The following SDK1 variants were observed in gnomAD, a reference collection of about 807,000 sequenced individuals.
The protein encoded by SDK1 is protein sidekick-1.
SDK1 carries 157 observed loss-of-function variants against 245.5 expected under a neutral mutation model. That is an observed-to-expected ratio of 0.64 (90% CI 0.56 to 0.73). SDK1 has a LOEUF of 0.73. Ranked by LOEUF, SDK1 falls within the 30% of genes least tolerant of loss-of-function variation. SDK1 has a pLI of 0.00. For missense variants in SDK1, 3,583 were observed against 3,002.3 expected (o/e 1.19, Z -4.52); for synonymous variants, 1,647 against 1,278.5 (o/e 1.29, Z -6.15).
chr7:3,851,548 A>G (rs1160793472), intron 5 of SDK1, among the ~76,000 whole-genome samples: 1 of 151,496 alleles, frequency 6.6e-6, no homozygotes, highest in African/African-American at 2.5e-5. Context: ...GGGAATAATA[A>G]TTGAGATCAG....
At chr7:4,192,094 G>T (rs1189382288) in intron 35 of SDK1, among the ~76,000 whole-genome samples, 1 of 152,198 alleles carries the variant, frequency 6.6e-6, no homozygotes, top group African/African-American at 2.4e-5. Flanking sequence ...AGCATACACA[G>T]AAGGAGACAG....
At chr7:4,138,549 C>G (rs1396324331) in intron 28 of SDK1, among the ~76,000 whole-genome samples, 3 of 152,000 alleles carry the variant, frequency 2.0e-5, no homozygotes, top group Non-Finnish European at 2.9e-5. Context: ...GAGTTCGAGA[C>G]CAGCCTGGCC....
At chr7:3,579,844 A>G (rs1221557749) in intron 1 of SDK1, among the ~76,000 whole-genome samples, 5 of 152,246 alleles carry the variant, frequency 3.3e-5, no homozygotes, top group Admixed American at 6.5e-5. Context: ...ATGATTCTAC[A>G]TAAAAAAACT....
chr7:3,701,667 G>GA (rs1478576269), intron 4 of SDK1, among the ~76,000 whole-genome samples: 2 of 152,120 alleles, frequency 1.3e-5, no homozygotes, highest in Non-Finnish European at 2.9e-5. Context: ...TGGAATAGGT[G>GA]AACAGTTTTG....
chr7:4,216,376 G>A (rs1345045506), intron 38 of SDK1, among the ~76,000 whole-genome samples: 5 of 152,164 alleles, frequency 3.3e-5, no homozygotes, highest in Admixed American at 6.5e-5. Context: ...ACTCTCACCC[G>A]GAGGGGCTGC....
chr7:3,851,345 C>A (rs927795429), intron 5 of SDK1, among the ~76,000 whole-genome samples: 1 of 151,968 alleles, frequency 6.6e-6, no homozygotes, highest in Admixed American at 6.6e-5. Context: ...TTCTTAGAAA[C>A]TAATATTTAA....
intron 1 of SDK1, among the ~76,000 whole-genome samples, chr7:3,304,231 T>C (rs986721436): frequency 6.6e-6 from 1 of 152,236 alleles, no homozygotes; most frequent in African/African-American, 2.4e-5. Flanking sequence ...TATGCTCTGC[T>C]TATTGCTGTG....
At chr7:4,194,506 T>C (rs1259560927) in intron 35 of SDK1, among the ~76,000 whole-genome samples, 1 of 151,902 alleles carries the variant, frequency 6.6e-6, no homozygotes, top group Non-Finnish European at 1.5e-5. Flanking sequence ...GTTTATTAAG[T>C]ATTAACTTAC....
chr7:3,326,533 A>G (rs11979128), intron 1 of SDK1, among the ~76,000 whole-genome samples: 59,434 of 151,928 alleles, frequency 0.39, 11,817 homozygotes, highest in African/African-American at 0.47. Flanking sequence ...TTGAAGTAGG[A>G]TTGCTGGCTC....
chr7:4,036,776 C>G (rs1788250922), intron 17 of SDK1, among the ~76,000 whole-genome samples: 1 of 152,152 alleles, frequency 6.6e-6, no homozygotes, highest in African/African-American at 2.4e-5. Context: ...GGCACCATCT[C>G]TAAGAAAACA....
chr7:3,338,493 CA>C (rs1780261301), intron 1 of SDK1: 1 of 483,190 alleles, frequency 2.1e-6, no homozygotes, highest in African/African-American at 2.0e-5. Context: ...AGAAATGTAC[CA>C]GGGTTCAGCT....
Position 4,114,154 on chromosome 7 carries a change from A to G in SDK1, c.3703A>G (p.Arg1235Gly). The stretch of plus-strand genomic sequence containing the variant: ...CCAAGTCGTCAGTGACCGGCTGGAG[A>G]GAGAATTCACCATCGAGGAGCTGGA... Reference protein sequence around the residue: ...VAQVVSDRLEREFTIEELEEW... With the variant: ...VAQVVSDRLEGEFTIEELEEW... The change falls in exon 25 of 45, where the codon AGA (arginine) becomes GGA (glycine). Residue 1235 changes from arginine to glycine, a missense_variant. Physicochemically the swap from Arg to Gly is moderately radical, Grantham distance 125. Coordinates refer to ENST00000404826, the MANE Select transcript of SDK1 (RefSeq NM_152744.4). 1 of 1,614,184 alleles carries G rather than the reference A, an allele frequency of 6.2e-7. No homozygotes were observed. The highest frequency in any genetic ancestry group is 8.5e-7 in the Non-Finnish European group (1 of 1,180,024).
At chr7:3,750,513 C>T (rs940871760) in intron 4 of SDK1, among the ~76,000 whole-genome samples, 51 of 152,008 alleles carry the variant, frequency 3.4e-4, no homozygotes, top group African/African-American at 1.2e-3. Flanking sequence ...TTGCAGTGGG[C>T]GAGAGAGATT....
intron 22 of SDK1, among the ~76,000 whole-genome samples, chr7:4,097,319 AT>A (rs1190113490): frequency 2.2e-5 from 3 of 137,608 alleles, no homozygotes; most frequent in Middle Eastern, 7.4e-3. Context: ...TCCTGTATTT[AT>A]TTTTTATGTG....
intron 4 of SDK1, among the ~76,000 whole-genome samples, chr7:3,660,184 A>G (rs976670414): frequency 6.6e-6 from 1 of 152,080 alleles, no homozygotes; most frequent in Admixed American, 6.6e-5. Context: ...CAAAGAAGAG[A>G]AGCAACTGCT....
At chr7:3,690,621 T>A (rs1784415397) in intron 4 of SDK1, among the ~76,000 whole-genome samples, 1 of 152,152 alleles carries the variant, frequency 6.6e-6, no homozygotes, top group African/African-American at 2.4e-5. Context: ...CTTTTACAGA[T>A]AAGTCACCAG....
intron 5 of SDK1, among the ~76,000 whole-genome samples, chr7:3,854,454 C>T (rs930093540): frequency 5.9e-5 from 9 of 152,176 alleles, no homozygotes; most frequent in African/African-American, 1.7e-4. Context: ...ATTTCCTTAC[C>T]TGAAATCTCA....
intron 4 of SDK1, among the ~76,000 whole-genome samples, chr7:3,808,444 G>C (rs1432465101): frequency 1.3e-5 from 2 of 152,178 alleles, no homozygotes; most frequent in Non-Finnish European, 2.9e-5. Flanking sequence ...CCCAACTGTG[G>C]CTAATGGTTC....
intron 5 of SDK1, among the ~76,000 whole-genome samples, chr7:3,878,960 AAC>A (rs561569403): frequency 1.1e-4 from 16 of 152,208 alleles, no homozygotes; most frequent in Non-Finnish European, 2.4e-4. Flanking sequence ...AATTTTAATT[AAC>A]ATTTGCTAAT....
Sources: allele counts gnomAD v4.1 joint callset (sites outside exome capture counted in the v4.1 genomes callset), GRCh38; gene constraint gnomAD v4.1.1; transcripts MANE v1.5; gene names NCBI Gene and HGNC (gene_info 2026-07-23, HGNC 2026-07-21).